The following SLC7A6 variants were observed in gnomAD, a reference collection of about 807,000 sequenced individuals.
The protein encoded by SLC7A6 is Y+L amino acid transporter 2.
In SLC7A6, 29 loss-of-function variants were observed where a neutral mutation model predicts 46.6. The observed-to-expected ratio is 0.62, with a 90% CI of 0.46 to 0.85. The LOEUF is 0.85. Among genes scored for constraint, SLC7A6 ranks in the 40% least tolerant of loss-of-function variants. The pLI is 0.00. For synonymous variants in SLC7A6, 276 were observed against 257.3 expected, an observed-to-expected ratio of 1.07 and a Z score of -0.70; for missense variants, 527 against 647.6, an observed-to-expected ratio of 0.81 and a Z score of 2.02.
At position 68,301,151 on chromosome 16, in the gene SLC7A6, C is replaced by T. The variant is rs748081342; in HGVS notation, c.*3823C>T. The T allele has an allele frequency of 1.5e-4, 217 of 1,469,820 alleles. No individual in the cohort carries two copies. The highest frequency in any genetic ancestry group is 5.1e-4 in the Middle Eastern group (2 of 3,936). The allele number at this position is 1,469,820 out of a possible 1,614,324, so 91.0% of individuals were successfully genotyped here. On this transcript the variant is annotated 3_prime_UTR_variant, in exon 11 of 11. Coordinates refer to ENST00000219343, the MANE Select transcript of SLC7A6 (RefSeq NM_003983.6). ...TGGTGGGATGGTGCCGCCCGATATG[C>T]TTGATATGCTTTTCCTTCCACATGT...
rs986130687 is a variant in SLC7A6 at position 68,264,831 on chromosome 16, G to T, written c.-166+255G>T. The T allele has an allele frequency of 1.3e-5, 2 of 152,512 alleles. No homozygotes were observed. The highest frequency in any genetic ancestry group is 1.3e-4 in the Admixed American group (2 of 15,290). The allele number at this position is 152,512 out of a possible 1,614,324, so 9.4% of individuals were successfully genotyped here. A position where few individuals can be genotyped will look rare whatever the true frequency, so the allele number is the denominator to read the frequency against. On this transcript the variant is annotated intron_variant, in intron 1 of 10. Coordinates refer to ENST00000219343, the MANE Select transcript of SLC7A6 (RefSeq NM_003983.6). The surrounding 1 kb of genome is among the most constrained non-coding windows in gnomAD (Gnocchi z 5.8). ...TGTATGGGTGCGAGCCCCGGAGGCT[G>T]ATGGTGACCGCGAGGGAGCCAGTCT...
Position 68,301,280 on chromosome 16 carries a change from C to T in SLC7A6, c.*3952C>T. 6.2e-7 allele frequency: 1 copy of T among 1,614,050 alleles called. No homozygotes were observed. Among genetic ancestry groups the T allele is most frequent in the Non-Finnish European group, 8.5e-7 (1 of 1,179,938 alleles). ...TCATGGACATCACAAGACCATCAGT[C>T]TGAATCCAGGTCGTGGGGGCTGTCA... On this transcript the variant is annotated 3_prime_UTR_variant, in exon 11 of 11. Coordinates refer to ENST00000219343, the MANE Select transcript of SLC7A6 (RefSeq NM_003983.6).
intron 9 of SLC7A6, 47 bp from the exon 10 acceptor site, chr16:68,296,580 T>A (rs772688044): frequency 6.2e-7 from 1 of 1,613,574 alleles, no homozygotes; most frequent in Non-Finnish European, 8.5e-7. Flanking sequence ...GCCCACGAGC[T>A]GTTTCCTCTT....
intron 2 of SLC7A6, among the ~76,000 whole-genome samples, chr16:68,266,950 T>C (rs1484044247): frequency 2.0e-5 from 3 of 152,038 alleles, no homozygotes; most frequent in Admixed American, 6.6e-5. Context: ...TTCTTTTTTT[T>C]TGGAGACAGT....
chr16:68,301,523 C>A lies in SLC7A6; in HGVS notation c.*4195C>A. 1 of 744,682 alleles carries A rather than the reference C, an allele frequency of 1.3e-6. No individual in the cohort carries two copies. 46.1% of individuals were successfully genotyped at this position (744,682 alleles called of 1,614,324 possible). A position where few individuals can be genotyped will look rare whatever the true frequency, so the allele number is the denominator to read the frequency against. ...CCGATTGTAATGCAAAATCCTTGCT[C>A]AATAAATAAAAAAGAATATAGAATT... On this transcript the variant is annotated 3_prime_UTR_variant, in exon 11 of 11. Transcript: ENST00000219343.
At position 68,291,281 on chromosome 16, in the gene SLC7A6, T is replaced by C. The variant is rs1274981194; in HGVS notation, c.867T>C (p.Tyr289=). 2 of 1,614,116 alleles carry C rather than the reference T, an allele frequency of 1.2e-6. No individual in the cohort carries two copies. Among genetic ancestry groups the C allele is most frequent in the African/African-American group, 1.3e-5 (1 of 74,936 alleles). Reference sequence around the variant, plus strand: ...TCTACATCCTGACCAATGTGGCCTATTACACAGTGCTGAACATTTCAGATG... The same window carrying C: ...TCTACATCCTGACCAATGTGGCCTACTACACAGTGCTGAACATTTCAGATG... The part of the protein sequence containing the change: ...TLIYILTNVA[Y]YTVLNISDVL... Residue 289 remains tyrosine (Y), a synonymous_variant, in exon 6 of 11, where the codon TAT becomes TAC. Transcript: ENST00000219343.
At chr16:68,267,823 C>T (rs946596417) in intron 2 of SLC7A6, among the ~76,000 whole-genome samples, 3 of 152,082 alleles carry the variant, frequency 2.0e-5, no homozygotes, top group Admixed American at 6.6e-5. Context: ...CCCCAACCTC[C>T]GGGGAGGGGA....
chr16:68,273,609 C>T (rs2042658627), intron 2 of SLC7A6, among the ~76,000 whole-genome samples: 1 of 152,120 alleles, frequency 6.6e-6, no homozygotes. Flanking sequence ...ACACCAGTGG[C>T]AAATTAGCCC....
At chr16:68,292,706 T>G (rs575244599) in intron 7 of SLC7A6, 6 of 152,250 alleles carry the variant, frequency 3.9e-5, no homozygotes, top group African/African-American at 1.4e-4. Flanking sequence ...GGGCTTCAAC[T>G]TTCATTCATT....
In SLC7A6 at chr16:68,301,419, C is replaced by T; in HGVS notation, c.*4091C>T. ...AGTCAGCAGAGCCTAGAATGACATC[C>T]CGGGAGTGGATTCTAAATGTGATTT... On this transcript the variant is annotated 3_prime_UTR_variant, in exon 11 of 11. Transcript: ENST00000219343. 2 of 1,609,740 alleles carry T rather than the reference C, an allele frequency of 1.2e-6. No individual in the cohort carries two copies. The highest frequency in any genetic ancestry group is 1.7e-6 in the Non-Finnish European group (2 of 1,177,240).
chr16:68,265,868 G>A (rs12596500), intron 1 of SLC7A6: 13,134 of 152,088 alleles, frequency 0.086, 611 homozygotes, highest in South Asian at 0.18. Context: ...TGCATATACC[G>A]GTTTTATGAT....
At chr16:68,291,495 A>G (rs2043048748) in intron 6 of SLC7A6, 63 bp from the exon 7 acceptor site, 1 of 1,592,056 alleles carries the variant, frequency 6.3e-7, no homozygotes, top group Admixed American at 1.7e-5. Flanking sequence ...TTCCGAGATC[A>G]TAGATGCAGG....
chr16:68,287,135 G>A lies in SLC7A6; in HGVS notation c.524-611G>A, dbSNP rs562174453. 1.4e-4 allele frequency among the ~76,000 whole-genome samples: 22 copies of A among 151,784 alleles called. No homozygotes were observed. The South Asian group carries it at 2.3e-3, about 16-fold the overall frequency. The stretch of plus-strand genomic sequence containing the variant: ...TGGGACTACAGGTGTGCACCACCAC[G>A]CCCAGCTAATTTTTGTATTTTTTGT... On this transcript the variant is annotated intron_variant, in intron 3 of 10. Transcript: ENST00000219343.
At chr16:68,287,934 G>T (rs1418917281) in intron 4 of SLC7A6, 63 bp downstream of exon 4, 1 of 1,586,094 alleles carries the variant, frequency 6.3e-7, no homozygotes, top group African/African-American at 1.3e-5. Context: ...AGAACATGGC[G>T]ACTCTGTTAG....
At position 68,298,851 on chromosome 16, in the gene SLC7A6, GA is replaced by G. The variant is rs2043220080; in HGVS notation, c.*1525del. ...CCCAGACACTGTCATCCTGGGCCGA[GA>G]AGAACCTGCTAGCTTGACATACCCC... On this transcript the variant is annotated 3_prime_UTR_variant, in exon 11 of 11. Coordinates refer to ENST00000219343, the MANE Select transcript of SLC7A6 (RefSeq NM_003983.6). 6.5e-6 allele frequency: 1 copy of G among 152,740 alleles called. No homozygotes were observed. Among genetic ancestry groups the G allele is most frequent in the South Asian group, 2.1e-4 (1 of 4,828 alleles). The allele number at this position is 152,740 out of a possible 1,614,324, so 9.5% of individuals were successfully genotyped here.
chr16:68,287,391 T>C (rs1400131422), intron 3 of SLC7A6: 1 of 1,301,678 alleles, frequency 7.7e-7, no homozygotes. Flanking sequence ...GAAGAGGTCT[T>C]GTGTCTCCTG....
At chr16:68,288,414 T>C (rs2042980808) in intron 4 of SLC7A6, among the ~76,000 whole-genome samples, 1 of 152,230 alleles carries the variant, frequency 6.6e-6, no homozygotes, top group African/African-American at 2.4e-5. Flanking sequence ...TTCCTAAATG[T>C]TGGCTTTAGA....
intron 7 of SLC7A6, 97 bp downstream of exon 7, chr16:68,291,758 A>T (rs1390077542): frequency 1.6e-6 from 1 of 627,572 alleles, no homozygotes; most frequent in East Asian, 3.0e-5. Flanking sequence ...TCATGGGCAT[A>T]TAGGGTGTGT....
At chr16:68,290,193 T>C in intron 4 of SLC7A6, 1 of 566,174 alleles carries the variant, frequency 1.8e-6, no homozygotes, top group Non-Finnish European at 3.1e-6. Context: ...GTTGATCTTT[T>C]GGTGTTAAAT....
Sources: gnomAD v4.1 joint callset for allele counts (sites outside exome capture counted in the v4.1 genomes callset) on GRCh38, gnomAD v4.1.1 for gene constraint, Gnocchi (gnomAD v3.1) non-coding constraint, MANE v1.5 for transcripts, NCBI Gene and HGNC (gene_info 2026-07-23, HGNC 2026-07-21) for gene names.